Variants in FER observed in about 807,000 individuals in gnomAD.
The protein encoded by FER is FER tyrosine kinase, also known as tyrosine-protein kinase Fer.
In FER, 63 loss-of-function variants were observed where a neutral mutation model predicts 111.0. That is an observed-to-expected ratio of 0.57 (90% CI 0.46 to 0.70). The LOEUF (loss-of-function observed/expected upper bound fraction) is 0.70, where lower values mean the gene tolerates loss of function less well. Among genes scored for constraint, FER ranks in the 30% least tolerant of loss-of-function variants. The pLI is 0.00. For missense variants in FER, 914 were observed against 954.0 expected (o/e 0.96, Z 0.55); for synonymous variants, 327 against 313.9 (o/e 1.04, Z -0.44).
chr5:109,152,297 T>G (rs1480004989), intron 17 of FER, among the ~76,000 whole-genome samples: 1 of 151,954 alleles, frequency 6.6e-6, no homozygotes, highest in Non-Finnish European at 1.5e-5. Context: ...AATCTTTGTT[T>G]TAATCTACCA....
rs1440550208 is a variant in FER, at chr5:109,191,023, T to A, written c.*3448T>A. On this transcript the variant is annotated 3_prime_UTR_variant, in exon 20 of 20. Transcript: ENST00000281092. Reference sequence around the variant, plus strand: ...TCAGTTCAGTTTTCCCATATAACTTTTGTGAAGATTGGCTAGTACCACAAA... The same window carrying A: ...TCAGTTCAGTTTTCCCATATAACTTATGTGAAGATTGGCTAGTACCACAAA... The A allele has an allele frequency of 6.6e-6, 1 of 152,186 alleles. No individual in the cohort carries two copies. Among genetic ancestry groups the A allele is most frequent in the Non-Finnish European group, 1.5e-5 (1 of 68,016 alleles). The allele number at this position is 152,186 out of a possible 1,614,324, so 9.4% of individuals were successfully genotyped here.
intron 13 of FER, among the ~76,000 whole-genome samples, chr5:109,003,090 C>A (rs927740281): frequency 6.6e-6 from 1 of 152,066 alleles, no homozygotes; most frequent in South Asian, 2.1e-4. Flanking sequence ...CTAGAAATAC[C>A]ATTTGACCCA....
At chr5:108,809,648 G>C (rs1757546343) in intron 3 of FER, among the ~76,000 whole-genome samples, 1 of 152,098 alleles carries the variant, frequency 6.6e-6, no homozygotes, top group Non-Finnish European at 1.5e-5. Context: ...CTTCAGCCTT[G>C]ATCTTCTGGG....
At chr5:108,770,196 C>T (rs1467357739) in intron 2 of FER, among the ~76,000 whole-genome samples, 1 of 152,226 alleles carries the variant, frequency 6.6e-6, no homozygotes, top group African/African-American at 2.4e-5. Context: ...GATCCTCCCA[C>T]CTTGGTGTCC....
intron 5 of FER, among the ~76,000 whole-genome samples, chr5:108,843,683 C>G (rs923171993): frequency 1.3e-5 from 2 of 151,826 alleles, no homozygotes; most frequent in Non-Finnish European, 2.9e-5. Flanking sequence ...TGTGCGCCAC[C>G]AAACCCAGCT....
intron 17 of FER, among the ~76,000 whole-genome samples, chr5:109,114,263 A>G (rs1749972653): frequency 6.6e-6 from 1 of 152,150 alleles, no homozygotes; most frequent in Non-Finnish European, 1.5e-5. Flanking sequence ...AATATGAGTA[A>G]TTTATTTCCC....
At chr5:108,892,587 C>A (rs1748294261) in intron 9 of FER, among the ~76,000 whole-genome samples, 1 of 152,124 alleles carries the variant, frequency 6.6e-6, no homozygotes, top group Non-Finnish European at 1.5e-5. Flanking sequence ...AGATGAGCAG[C>A]TTGCAAAAAT....
At position 109,013,634 on chromosome 5, in the gene FER, A is replaced by G. The variant is rs568429978; in HGVS notation, c.1657-23788A>G. On this transcript the variant is annotated intron_variant, in intron 13 of 19. Coordinates refer to ENST00000281092, the MANE Select transcript of FER (RefSeq NM_005246.4). ...TGGGTCAAATGGTATTTCTAGTTCT[A>G]GATCCCTGAGGAATCGCCACACTGA... Among the ~76,000 whole-genome samples, 149 of 151,550 alleles carry G rather than the reference A, an allele frequency of 9.8e-4. No individual in the cohort carries two copies. The East Asian group carries it at 0.022, about 22-fold the overall frequency.
At chr5:108,774,598 G>T (rs1008977762) in intron 2 of FER, among the ~76,000 whole-genome samples, 1 of 152,142 alleles carries the variant, frequency 6.6e-6, no homozygotes, top group Non-Finnish European at 1.5e-5. Context: ...TCACCATTGT[G>T]ATTGGCATGA....
chr5:108,916,445 C>CG (rs1561610249), intron 10 of FER, among the ~76,000 whole-genome samples: 1 of 151,996 alleles, frequency 6.6e-6, no homozygotes, highest in Non-Finnish European at 1.5e-5. Flanking sequence ...TTTGGGTACC[C>CG]CCCCGACCCC....
intron 17 of FER, among the ~76,000 whole-genome samples, chr5:109,156,441 T>A (rs953589200): frequency 3.3e-5 from 5 of 152,048 alleles, no homozygotes; most frequent in African/African-American, 1.2e-4. Flanking sequence ...TAGGTAGCTG[T>A]AGGATAGCAA....
rs186856958 is a variant in FER, at chr5:108,760,319, T to A, written c.-205-7774T>A. ...TCATTCTTATGGACTCTGCAATATTTAGAATGGGCAATGAGCATTGGGTTC... is the reference window on the plus strand; with the variant it reads ...TCATTCTTATGGACTCTGCAATATTAAGAATGGGCAATGAGCATTGGGTTC... On this transcript the variant is annotated intron_variant, in intron 1 of 19. Coordinates refer to ENST00000281092, the MANE Select transcript of FER (RefSeq NM_005246.4). 2.0e-3 allele frequency among the ~76,000 whole-genome samples: 306 copies of A among 152,308 alleles called. 3 individuals are homozygous for A. Among genetic ancestry groups the A allele is most frequent in the African/African-American group, 7.0e-3 (289 of 41,578 alleles).
intron 16 of FER, among the ~76,000 whole-genome samples, chr5:109,095,265 A>G (rs1747357539): frequency 6.6e-6 from 1 of 152,082 alleles, no homozygotes; most frequent in Admixed American, 6.6e-5. Context: ...TTTTTTAAAG[A>G]AGGAAAAGGA....
At chr5:108,919,741 T>C (rs771921488) in intron 10 of FER, among the ~76,000 whole-genome samples, 1 of 152,088 alleles carries the variant, frequency 6.6e-6, no homozygotes, top group Non-Finnish European at 1.5e-5. Flanking sequence ...AATAGAAACT[T>C]CTTGACAATG....
chr5:108,789,239 ATTAAT>A (rs1473116132), intron 2 of FER, among the ~76,000 whole-genome samples: 2 of 152,244 alleles, frequency 1.3e-5, no homozygotes, highest in African/African-American at 2.4e-5. Context: ...GTTAACAAAA[ATTAAT>A]TTAAGGAGTT....
chr5:108,906,551 A>T (rs78633948), intron 10 of FER, among the ~76,000 whole-genome samples: 2 of 152,072 alleles, frequency 1.3e-5, no homozygotes, highest in East Asian at 3.9e-4. Flanking sequence ...TAATTTTTCA[A>T]ATATTTTTAG....
chr5:108,935,643 G>A (rs1004698833), intron 10 of FER, among the ~76,000 whole-genome samples: 2 of 151,898 alleles, frequency 1.3e-5, no homozygotes, highest in African/African-American at 4.8e-5. Flanking sequence ...TTTGGTTGTG[G>A]GTGAAATCTT....
intron 13 of FER, among the ~76,000 whole-genome samples, chr5:109,031,150 C>A (rs1769545120): frequency 6.6e-6 from 1 of 151,920 alleles, no homozygotes; most frequent in South Asian, 2.1e-4. Flanking sequence ...CTTATATAAT[C>A]CAGGGGAGGA....
At chr5:109,070,283 G>T (rs1328405498) in intron 16 of FER, among the ~76,000 whole-genome samples, 1 of 151,928 alleles carries the variant, frequency 6.6e-6, no homozygotes, top group Admixed American at 6.6e-5. Flanking sequence ...CATAAGACAT[G>T]CCACATGTTT....
Sources: allele counts gnomAD v4.1 joint callset (sites outside exome capture counted in the v4.1 genomes callset), GRCh38; gene constraint gnomAD v4.1.1; transcripts MANE v1.5; gene names NCBI Gene and HGNC (gene_info 2026-07-23, HGNC 2026-07-21).